The following MAP2K4 variants were observed in gnomAD, a reference collection of about 807,000 sequenced individuals.
MAP2K4 encodes mitogen-activated protein kinase kinase 4.
Under a neutral mutation model 48.5 loss-of-function variants are expected in MAP2K4, and 4 were observed. The observed-to-expected ratio is 0.08, with a 90% CI of 0.04 to 0.19. The LOEUF is 0.19. Among genes scored for constraint, MAP2K4 ranks in the 10% least tolerant of loss-of-function variants. The probability of loss-of-function intolerance (pLI) is 1.00; values close to 1 mark genes in which losing one functional copy is unlikely to be tolerated. For missense variants in MAP2K4, 258 were observed against 493.3 expected (o/e 0.52, Z 4.52); for synonymous variants, 166 against 173.1 (o/e 0.96, Z 0.32).
intron 9 of MAP2K4, among the ~76,000 whole-genome samples, chr17:12,133,368 C>T (rs1033072748): frequency 1.3e-5 from 2 of 152,202 alleles, no homozygotes; most frequent in African/African-American, 4.8e-5. Flanking sequence ...AGGCGTGAGC[C>T]ACTGCGCCAG....
intron 1 of MAP2K4, chr17:12,032,152 C>A (rs1316733921): frequency 2.2e-6 from 1 of 455,036 alleles, no homozygotes; most frequent in African/African-American, 2.0e-5. Flanking sequence ...TGTGATTTGA[C>A]CTGTTCTTGA....
intron 7 of MAP2K4, among the ~76,000 whole-genome samples, chr17:12,116,900 C>T (rs1887580435): frequency 6.6e-6 from 1 of 152,070 alleles, no homozygotes; most frequent in Admixed American, 6.5e-5. Flanking sequence ...AAATGACTGG[C>T]AGTGCAATAG....
At chr17:12,107,526 G>A (rs1018892656) in intron 4 of MAP2K4, among the ~76,000 whole-genome samples, 3 of 150,520 alleles carry the variant, frequency 2.0e-5, no homozygotes, top group Admixed American at 6.6e-5. Context: ...AAATTTTAAT[G>A]AAAGCACAGA....
chr17:12,104,786 GT>G (rs961598988), intron 4 of MAP2K4, among the ~76,000 whole-genome samples: 4 of 151,896 alleles, frequency 2.6e-5, no homozygotes, highest in Non-Finnish European at 5.9e-5. Flanking sequence ...GTGATTTGTT[GT>G]TTTTATGTGT....
chr17:12,036,983 T>C (rs1245995806), intron 1 of MAP2K4, among the ~76,000 whole-genome samples: 1 of 152,174 alleles, frequency 6.6e-6, no homozygotes, highest in Admixed American at 6.5e-5. Context: ...AGTGTTAAGT[T>C]TCTGTAGCTT....
chr17:12,095,923 G>GTA (rs1971731764), intron 4 of MAP2K4, among the ~76,000 whole-genome samples: 1 of 148,946 alleles, frequency 6.7e-6, no homozygotes, highest in Non-Finnish European at 1.5e-5. Flanking sequence ...GTGTGTGTGT[G>GTA]TGTGTATTTT....
At chr17:12,095,050 T>C (rs1597461385) in intron 3 of MAP2K4, among the ~76,000 whole-genome samples, 1 of 152,306 alleles carries the variant, frequency 6.6e-6, no homozygotes, top group South Asian at 2.1e-4. Flanking sequence ...GCTCCTATAC[T>C]AGTATTCACT....
At chr17:12,042,036 C>G (rs532961550) in intron 1 of MAP2K4, among the ~76,000 whole-genome samples, 1 of 151,718 alleles carries the variant, frequency 6.6e-6, no homozygotes, top group Non-Finnish European at 1.5e-5. Context: ...CAAAAATTAG[C>G]CGGGTGTGGT....
chr17:12,118,530 A>G (rs1337669954), intron 7 of MAP2K4, among the ~76,000 whole-genome samples: 1 of 152,186 alleles, frequency 6.6e-6, no homozygotes, highest in African/African-American at 2.4e-5. Flanking sequence ...GCTGGACTGA[A>G]AGAAGAGTGA....
chr17:12,062,835 A>G (rs1277210825), intron 2 of MAP2K4, among the ~76,000 whole-genome samples: 2 of 150,568 alleles, frequency 1.3e-5, no homozygotes, highest in East Asian at 3.9e-4. Flanking sequence ...TATTGTGGGG[A>G]TTTTTCTTTT....
At chr17:12,094,681 C>T (rs1971673188) in intron 3 of MAP2K4, among the ~76,000 whole-genome samples, 1 of 151,552 alleles carries the variant, frequency 6.6e-6, no homozygotes, top group Non-Finnish European at 1.5e-5. Context: ...CTATATTGTC[C>T]CTCCCAACAC....
intron 2 of MAP2K4, among the ~76,000 whole-genome samples, chr17:12,059,902 G>T (rs1307134390): frequency 6.6e-6 from 1 of 152,202 alleles, no homozygotes; most frequent in Non-Finnish European, 1.5e-5. Context: ...ACGAGGCCGG[G>T]CACAGTTGCT....
chr17:12,134,291 T>A (rs887761620), intron 9 of MAP2K4, among the ~76,000 whole-genome samples: 2 of 152,156 alleles, frequency 1.3e-5, no homozygotes, highest in Non-Finnish European at 2.9e-5. Flanking sequence ...TTCGGAGAAT[T>A]GTACCTAAGA....
At chr17:12,094,320 C>A (rs1307559079) in intron 3 of MAP2K4, among the ~76,000 whole-genome samples, 1 of 152,176 alleles carries the variant, frequency 6.6e-6, no homozygotes, top group Non-Finnish European at 1.5e-5. Context: ...ACGGAGAGAA[C>A]CTACTTCTGT....
intron 7 of MAP2K4, among the ~76,000 whole-genome samples, chr17:12,117,833 A>G (rs970648960): frequency 1.3e-5 from 2 of 152,190 alleles, no homozygotes; most frequent in African/African-American, 4.8e-5. Context: ...ATATGACCTG[A>G]AGAAACAGAA....
intron 3 of MAP2K4, among the ~76,000 whole-genome samples, chr17:12,089,307 G>GT (rs967954280): frequency 3.9e-4 from 60 of 152,266 alleles, no homozygotes; most frequent in African/African-American, 1.4e-3. Flanking sequence ...AGCTAACCTA[G>GT]TTATAGCAGA....
chr17:12,055,005 G>C lies in MAP2K4; in HGVS notation c.218+14G>C. Reference sequence around the variant, plus strand: ...AAACCCACACATGTGAGTATTCTTGGTAATCAAAGGCTCAACTCAAGCAAA... The same window carrying C: ...AAACCCACACATGTGAGTATTCTTGCTAATCAAAGGCTCAACTCAAGCAAA... On this transcript the variant is annotated intron_variant, in intron 2 of 10. Coordinates refer to ENST00000353533, the MANE Select transcript of MAP2K4 (RefSeq NM_003010.4). 6.6e-7 allele frequency: 1 copy of C among 1,509,448 alleles called. No homozygotes were observed. Among genetic ancestry groups the C allele is most frequent in the South Asian group, 1.2e-5 (1 of 86,910 alleles). 93.5% of individuals were successfully genotyped at this position (1,509,448 alleles called of 1,614,324 possible).
chr17:12,139,024 G>A (rs1973294525), intron 9 of MAP2K4, among the ~76,000 whole-genome samples: 1 of 152,138 alleles, frequency 6.6e-6, no homozygotes, highest in South Asian at 2.1e-4. Flanking sequence ...CTTAAAGAGG[G>A]AATCTACATA....
At chr17:12,129,651 A>G (rs1216835686) in intron 9 of MAP2K4, among the ~76,000 whole-genome samples, 1 of 152,216 alleles carries the variant, frequency 6.6e-6, no homozygotes, top group Non-Finnish European at 1.5e-5. Flanking sequence ...ACCTGGAAGC[A>G]TTTACTGAAT....
Sources: gnomAD v4.1 joint callset for allele counts (sites outside exome capture counted in the v4.1 genomes callset) on GRCh38, gnomAD v4.1.1 for gene constraint, MANE v1.5 for transcripts, NCBI Gene and HGNC (gene_info 2026-07-23, HGNC 2026-07-21) for gene names.